Variants in EPB41L4B observed in about 807,000 individuals in gnomAD.
EPB41L4B encodes erythrocyte membrane protein band 4.1 like 4B.
EPB41L4B carries 30 observed loss-of-function variants against 112.5 expected under a neutral mutation model. That is an observed-to-expected ratio of 0.27 (90% CI 0.20 to 0.36). The LOEUF (loss-of-function observed/expected upper bound fraction) is 0.36, where lower values mean the gene tolerates loss of function less well. Among genes scored for constraint, EPB41L4B ranks in the 10% least tolerant of loss-of-function variants. The probability of loss-of-function intolerance (pLI) is 1.00; values close to 1 mark genes in which losing one functional copy is unlikely to be tolerated. For missense variants in EPB41L4B, 1,024 were observed against 1,133.3 expected (o/e 0.90, Z 1.38); for synonymous variants, 408 against 439.7 (o/e 0.93, Z 0.90).
At chr9:109,278,542 C>T (rs1294058579) in intron 2 of EPB41L4B, among the ~76,000 whole-genome samples, 2 of 152,204 alleles carry the variant, frequency 1.3e-5, no homozygotes, top group African/African-American at 2.4e-5. Flanking sequence ...CAGATACAAT[C>T]AGGAAGTATC....
chr9:109,226,769 AAT>A (rs912705870), intron 15 of EPB41L4B, among the ~76,000 whole-genome samples: 5 of 141,854 alleles, frequency 3.5e-5, no homozygotes, highest in Non-Finnish European at 7.6e-5. Flanking sequence ...TATATATATG[AAT>A]ATATATATGA....
intron 6 of EPB41L4B, among the ~76,000 whole-genome samples, chr9:109,260,901 C>T (rs1484575087): frequency 6.6e-6 from 1 of 152,172 alleles, no homozygotes; most frequent in Non-Finnish European, 1.5e-5. Context: ...GTAATACGTG[C>T]ACCTCATCCT....
rs374950776 is a variant in EPB41L4B, at chr9:109,192,367, G to A, written c.2224-12C>T. On this transcript the variant is annotated splice_polypyrimidine_tract_variant and intron_variant, in intron 21 of 25. Transcript: ENST00000374566. Reference sequence around the variant, plus strand: ...CGGTCAGAGGGGCTCTAGGGAGACAGACAAACACCCCTGGTTAGAGACGGC... The same window carrying A: ...CGGTCAGAGGGGCTCTAGGGAGACAAACAAACACCCCTGGTTAGAGACGGC... The A allele has an allele frequency of 3.6e-5, 57 of 1,591,904 alleles. No individual in the cohort carries two copies. The highest frequency in any genetic ancestry group is 2.0e-4 in the South Asian group (18 of 87,838).
At chr9:109,201,314 G>T (rs923858378) in intron 19 of EPB41L4B, among the ~76,000 whole-genome samples, 1 of 151,946 alleles carries the variant, frequency 6.6e-6, no homozygotes, top group African/African-American at 2.4e-5. Context: ...GCCAGGTATG[G>T]TGGCGCATGT....
At chr9:109,211,904 T>G (rs372050193) in intron 17 of EPB41L4B, among the ~76,000 whole-genome samples, 1 of 148,444 alleles carries the variant, frequency 6.7e-6, no homozygotes, top group Non-Finnish European at 1.5e-5. Context: ...ATAGTAGAGA[T>G]GGGGGGGGTC....
At chr9:109,233,049 T>G (rs991939309) in intron 15 of EPB41L4B, among the ~76,000 whole-genome samples, 1 of 152,214 alleles carries the variant, frequency 6.6e-6, no homozygotes, top group African/African-American at 2.4e-5. Flanking sequence ...GAGGTCTCAG[T>G]GCAGAATGTG....
chr9:109,235,390 C>CT (rs758330838), intron 15 of EPB41L4B, among the ~76,000 whole-genome samples: 4,450 of 87,156 alleles, frequency 0.051, 387 homozygotes, highest in African/African-American at 0.11. Context: ...TTCAGCTAGA[C>CT]TTTTTTTTTT....
intron 20 of EPB41L4B, among the ~76,000 whole-genome samples, chr9:109,195,018 TC>T: frequency 6.6e-6 from 1 of 152,326 alleles, no homozygotes; most frequent in South Asian, 2.1e-4. Context: ...TATACCACAT[TC>T]TGTTTATCCA....
chr9:109,255,530 C>T lies in EPB41L4B; in HGVS notation c.1150G>A (p.Gly384Ser). The change falls in exon 11 of 26, where the codon GGC (glycine) becomes AGC (serine). Residue 384 changes from glycine to serine, a missense_variant. Physicochemically the swap from Gly to Ser is moderately conservative, Grantham distance 56. Coordinates refer to ENST00000374566, the MANE Select transcript of EPB41L4B (RefSeq NM_019114.5). ...CCCTACCTGAATCTGAAGCGAGAGC[C>T]CAGCCTGATAAAGTCGGATCTATTG... ...KSNRSDFIRL[G>S]SRFRFSGRTE... The T allele has an allele frequency of 6.2e-7, 1 of 1,614,132 alleles. No individual in the cohort carries two copies. Among genetic ancestry groups the T allele is most frequent in the Non-Finnish European group, 8.5e-7 (1 of 1,180,014 alleles).
chr9:109,256,258 T>A (rs1205896743), intron 8 of EPB41L4B, 34 bp from the exon 9 acceptor site: 1 of 1,600,858 alleles, frequency 6.2e-7, no homozygotes, highest in South Asian at 1.1e-5. Context: ...CGGTAGAGGG[T>A]TCTAACAGGT....
intron 1 of EPB41L4B, among the ~76,000 whole-genome samples, chr9:109,292,566 T>C (rs1182778507): frequency 6.6e-6 from 1 of 152,192 alleles, no homozygotes; most frequent in East Asian, 1.9e-4. Context: ...CTAAGGCAGG[T>C]GCCTCCCATC....
At chr9:109,253,755 A>G (rs1238955502) in intron 11 of EPB41L4B, among the ~76,000 whole-genome samples, 1 of 152,226 alleles carries the variant, frequency 6.6e-6, no homozygotes, top group Non-Finnish European at 1.5e-5. Flanking sequence ...CCAGGGGCAG[A>G]TATTTCCACC....
chr9:109,197,296 G>A (rs929995281), intron 20 of EPB41L4B, among the ~76,000 whole-genome samples: 87 of 152,162 alleles, frequency 5.7e-4, no homozygotes, highest in African/African-American at 2.0e-3. Context: ...GGTGGCACAC[G>A]CCTGTAATCC....
chr9:109,303,261 A>G (rs528852687), intron 1 of EPB41L4B, among the ~76,000 whole-genome samples: 1 of 152,140 alleles, frequency 6.6e-6, no homozygotes, highest in Non-Finnish European at 1.5e-5. Context: ...TAAAAAAAAA[A>G]CAATTTTTAA....
At chr9:109,210,799 C>T (rs1238381709) in intron 17 of EPB41L4B, among the ~76,000 whole-genome samples, 1 of 152,156 alleles carries the variant, frequency 6.6e-6, no homozygotes, top group Non-Finnish European at 1.5e-5. Flanking sequence ...GAATGTTGTG[C>T]TTTCTCCTTT....
chr9:109,215,253 G>A (rs533221555), intron 16 of EPB41L4B, among the ~76,000 whole-genome samples: 110 of 152,114 alleles, frequency 7.2e-4, no homozygotes, highest in Admixed American at 2.2e-3. Context: ...AGCTAGAATC[G>A]AAGCCTCCAC....
intron 13 of EPB41L4B, among the ~76,000 whole-genome samples, chr9:109,251,107 A>C (rs1159508305): frequency 6.6e-6 from 1 of 152,274 alleles, no homozygotes; most frequent in Non-Finnish European, 1.5e-5. Flanking sequence ...GTCACTGAGC[A>C]AATCTAGCAT....
In EPB41L4B at chr9:109,196,718, G is replaced by GAA. The variant is rs34024676; in HGVS notation, c.2046-2323_2046-2322dup. On this transcript the variant is annotated intron_variant, in intron 20 of 25. Transcript: ENST00000374566. ...GGCAACAGAGTGAGGCCTTGTCTCC[G>GAA]AAAAAAAAAAAAAAAAAAAAGACCT... Among the ~76,000 whole-genome samples, 61 of 84,618 alleles carry GAA rather than the reference G, an allele frequency of 7.2e-4. 1 individual carries two copies. Among genetic ancestry groups the GAA allele is most frequent in the African/African-American group, 2.2e-3 (53 of 23,732 alleles). The allele number at this position is 84,618 out of a possible 152,430, so 55.5% of individuals were successfully genotyped here.
At chr9:109,202,388 G>C (rs1465245988) in intron 19 of EPB41L4B, among the ~76,000 whole-genome samples, 1 of 152,164 alleles carries the variant, frequency 6.6e-6, no homozygotes, top group Non-Finnish European at 1.5e-5. Context: ...AGATCACCTA[G>C]GTGCCCGCTA....
Sources: allele counts gnomAD v4.1 joint callset (sites outside exome capture counted in the v4.1 genomes callset), GRCh38; gene constraint gnomAD v4.1.1; transcripts MANE v1.5; gene names NCBI Gene and HGNC (gene_info 2026-07-23, HGNC 2026-07-21).